TFAP2C: variants seen among roughly 807,000 people sequenced by gnomAD.
The protein encoded by TFAP2C is transcription factor AP-2 gamma.
Under a neutral mutation model 42.9 loss-of-function variants are expected in TFAP2C, and 9 were observed. That is an observed-to-expected ratio of 0.21 (90% CI 0.13 to 0.37). The LOEUF (loss-of-function observed/expected upper bound fraction) is 0.37. Ranked by LOEUF, TFAP2C falls within the 10% of genes least tolerant of loss-of-function variation. The pLI is 1.00. For synonymous variants in TFAP2C, 264 were observed against 256.0 expected (o/e 1.03, Z -0.30); for missense variants, 462 against 591.7 (o/e 0.78, Z 2.27).
Position 56,631,867 on chromosome 20 carries a change from A to T in TFAP2C, c.586+11A>T, listed in dbSNP as rs1295686628. The T allele has an allele frequency of 6.2e-7, 1 of 1,614,080 alleles. No individual in the cohort carries two copies. The highest frequency in any genetic ancestry group is 1.3e-5 in the African/African-American group (1 of 74,938). ...CAGTCATTCGCAAAGGTAAATAGCA[A>T]GGTGGCATCGTCTAACTCTGGTCAC... On this transcript the variant is annotated intron_variant, in intron 3 of 6. Coordinates refer to ENST00000201031, the MANE Select transcript of TFAP2C (RefSeq NM_003222.4). The surrounding 1 kb of genome is among the most constrained non-coding windows in gnomAD (Gnocchi z 6.1).
rs1056467817 is a variant in TFAP2C at position 56,631,802 on chromosome 20, C to A, written c.535-3C>A. ...TAAGGGAATTTTGTCCTCTCTCCCC[C>A]AGAATGTCGACGACCAGCACCTGTT... On this transcript the variant is annotated splice_polypyrimidine_tract_variant and splice_region_variant and intron_variant, in intron 2 of 6. Transcript: ENST00000201031. This position sits in a 1 kb window ranked among gnomAD's most constrained non-coding sequence, Gnocchi z 6.1. The A allele has an allele frequency of 1.2e-6, 2 of 1,614,198 alleles. No individual in the cohort carries two copies. The highest frequency in any genetic ancestry group is 1.7e-6 in the Non-Finnish European group (2 of 1,180,038).
intron 6 of TFAP2C, 136 bp downstream of exon 6, chr20:56,636,890 G>T: frequency 9.2e-7 from 1 of 1,089,520 alleles, no homozygotes; most frequent in Non-Finnish European, 1.3e-6. Context: ...AAAGAAAATG[G>T]CAAGGGAGCT....
In TFAP2C at chr20:56,631,727, C is replaced by A; in HGVS notation, c.534+37C>A. 1.2e-6 allele frequency: 2 copies of A among 1,610,510 alleles called. No homozygotes were observed. The highest frequency in any genetic ancestry group is 1.7e-6 in the Non-Finnish European group (2 of 1,178,876). On this transcript the variant is annotated intron_variant, in intron 2 of 6. Coordinates refer to ENST00000201031, the MANE Select transcript of TFAP2C (RefSeq NM_003222.4). The surrounding 1 kb of genome is among the most constrained non-coding windows in gnomAD (Gnocchi z 6.1). ...TGCGGCTCCTGACCGGACCTGTTCACCCTACGGCCTTCTGCCCCCACCCCG... is the reference window on the plus strand; with the variant it reads ...TGCGGCTCCTGACCGGACCTGTTCAACCTACGGCCTTCTGCCCCCACCCCG...
intron 6 of TFAP2C, 47 bp from the exon 7 acceptor site, chr20:56,637,681 G>A (rs1255229540): frequency 2.9e-5 from 46 of 1,596,500 alleles, no homozygotes; most frequent in Non-Finnish European, 3.9e-5. Context: ...CTCTTGACCT[G>A]TAAGGAGCTA....
In TFAP2C at chr20:56,631,184, TG is replaced by T. The variant is rs1160427846; in HGVS notation, c.49-20del. The T allele has an allele frequency of 5.4e-6, 8 of 1,492,464 alleles. No individual in the cohort carries two copies. The highest frequency in any genetic ancestry group is 1.5e-5 in the African/African-American group (1 of 67,870). The allele number at this position is 1,492,464 out of a possible 1,614,324, so 92.5% of individuals were successfully genotyped here. A position where few individuals can be genotyped will look rare whatever the true frequency, so the allele number is the denominator to read the frequency against. On this transcript the variant is annotated intron_variant, in intron 1 of 6. Coordinates refer to ENST00000201031, the MANE Select transcript of TFAP2C (RefSeq NM_003222.4). This position sits in a 1 kb window ranked among gnomAD's most constrained non-coding sequence, Gnocchi z 6.1. ...GGGGTTTCGCACTAACGGGGTCTCC[TG>T]TTTTTTTTTTTCCCTCCAGGATCGC... is the stretch of plus-strand genomic sequence containing the variant.
rs898322603 is a variant in TFAP2C, at chr20:56,638,103, C to A, written c.*90C>A. 62 of 1,237,186 alleles carry A rather than the reference C, an allele frequency of 5.0e-5. No homozygotes were observed. Among genetic ancestry groups the A allele is most frequent in the Non-Finnish European group, 6.4e-5 (58 of 900,844 alleles). 76.6% of individuals were successfully genotyped at this position (1,237,186 alleles called of 1,614,324 possible). ...GCACAGACTGGGAACCCCTCCTGGC[C>A]TGGGGGAAGAGTTTGTTACCTACCT... On this transcript the variant is annotated 3_prime_UTR_variant, in exon 7 of 7. Coordinates refer to ENST00000201031, the MANE Select transcript of TFAP2C (RefSeq NM_003222.4).
At chr20:56,636,561 T>G (rs1987587812) in intron 5 of TFAP2C, 49 bp from the exon 6 acceptor site, 1 of 1,562,720 alleles carries the variant, frequency 6.4e-7, no homozygotes, top group Admixed American at 2.1e-5. Context: ...AAGGGCAGTT[T>G]GGCCTCAGTG....
rs551986535 is a variant in TFAP2C at position 56,630,677 on chromosome 20, C to G, written c.49-528C>G. On this transcript the variant is annotated intron_variant, in intron 1 of 6. Transcript: ENST00000201031. The surrounding 1 kb of genome is among the most constrained non-coding windows in gnomAD (Gnocchi z 5.1). ...TTCCGAGCGCCGCCCGCTCGGAGGT[C>G]TTTGTCCCGAGGGCGTGGAAGGGAG... 3.0e-6 allele frequency: 3 copies of G among 984,972 alleles called. No homozygotes were observed. Among genetic ancestry groups the G allele is most frequent in the Non-Finnish European group, 3.6e-6 (3 of 829,670 alleles). The allele number at this position is 984,972 out of a possible 1,614,324, so 61.0% of individuals were successfully genotyped here. A position where few individuals can be genotyped will look rare whatever the true frequency, so the allele number is the denominator to read the frequency against.
Position 56,629,625 on chromosome 20 carries a change from C to T in TFAP2C, c.48+33C>T. The T allele has an allele frequency of 7.2e-7, 1 of 1,392,138 alleles. No homozygotes were observed. Among genetic ancestry groups the T allele is most frequent in the East Asian group, 2.8e-5 (1 of 36,224 alleles). 86.2% of individuals were successfully genotyped at this position (1,392,138 alleles called of 1,614,324 possible). Reference sequence around the variant, plus strand: ...GGGGCTCCGGGGTGCAGCCCCGCCCCGCCGAGGACAGTCCGGGAGGCAGGG... The same window carrying T: ...GGGGCTCCGGGGTGCAGCCCCGCCCTGCCGAGGACAGTCCGGGAGGCAGGG... On this transcript the variant is annotated intron_variant, in intron 1 of 6. Coordinates refer to ENST00000201031, the MANE Select transcript of TFAP2C (RefSeq NM_003222.4). The surrounding 1 kb of genome is among the most constrained non-coding windows in gnomAD (Gnocchi z 5.9).
Position 56,638,026 on chromosome 20 carries a change from G to A in TFAP2C, c.*13G>A, listed in dbSNP as rs1720. ...ACACAGGAAATAAAATTGGAACGAA[G>A]AAAGGTTAGGAGAGTAGGGAAGGAA... is the stretch of plus-strand genomic sequence containing the variant. On this transcript the variant is annotated 3_prime_UTR_variant, in exon 7 of 7. Transcript: ENST00000201031. 0.014 allele frequency: 23,284 copies of A among 1,608,626 alleles called. 208 individuals are homozygous for A. The highest frequency in any genetic ancestry group is 0.017 in the Non-Finnish European group (19,607 of 1,176,978).
At chr20:56,633,699 AG>A (rs1462869162) in intron 4 of TFAP2C, 130 bp downstream of exon 4, 7 of 713,420 alleles carry the variant, frequency 9.8e-6, no homozygotes, top group African/African-American at 8.9e-5. Context: ...TTAGAGTTTT[AG>A]TACATTTCTT....
At chr20:56,634,553 G>A (rs74497783) in intron 5 of TFAP2C, among the ~76,000 whole-genome samples, 1 of 152,176 alleles carries the variant, frequency 6.6e-6, no homozygotes, top group Non-Finnish European at 1.5e-5. Context: ...CACTCTAGGG[G>A]TGTCGGCATT....
Position 56,633,414 on chromosome 20 carries a change from C to A in TFAP2C, c.648C>A (p.Ala216=). The change falls in exon 4 of 7, where the codon GCC becomes GCA. Residue 216 remains alanine (A), a synonymous_variant. Coordinates refer to ENST00000201031, the MANE Select transcript of TFAP2C (RefSeq NM_003222.4). ...NLPCQKELVG[A]VMNPTEVFCS... Reference sequence around the variant, plus strand: ...CCTGTCAGAAGGAGCTGGTGGGGGCCGTAATGAACCCCACTGAGGTCTTCT... The same window carrying A: ...CCTGTCAGAAGGAGCTGGTGGGGGCAGTAATGAACCCCACTGAGGTCTTCT... The A allele has an allele frequency of 1.2e-6, 2 of 1,614,064 alleles. No individual in the cohort carries two copies. Among genetic ancestry groups the A allele is most frequent in the Non-Finnish European group, 1.7e-6 (2 of 1,180,010 alleles).
rs186503162 is a variant in TFAP2C at position 56,633,635 on chromosome 20, G to A, written c.803+66G>A. ...GAAGGTGAGTGTATCAGAGGCCCAG[G>A]AGGTATTTTTAACATTTATGTGACT... On this transcript the variant is annotated intron_variant, in intron 4 of 6. Coordinates refer to ENST00000201031, the MANE Select transcript of TFAP2C (RefSeq NM_003222.4). 5,962 of 1,232,222 alleles carry A rather than the reference G, an allele frequency of 4.8e-3. 16 individuals carry two copies. The highest frequency in any genetic ancestry group is 6.5e-3 in the Admixed American group (351 of 53,826). The allele number at this position is 1,232,222 out of a possible 1,614,324, so 76.3% of individuals were successfully genotyped here. A position where few individuals can be genotyped will look rare whatever the true frequency, so the allele number is the denominator to read the frequency against.
intron 6 of TFAP2C, 148 bp downstream of exon 6, chr20:56,636,902 CT>C: frequency 1.0e-6 from 1 of 1,003,666 alleles, no homozygotes; most frequent in Non-Finnish European, 1.4e-6. Flanking sequence ...AAGGGAGCTT[CT>C]TTTACAAAGT....
rs922460934 is a variant in TFAP2C at position 56,630,715 on chromosome 20, G to T, written c.49-490G>T. 59 of 985,224 alleles carry T rather than the reference G, an allele frequency of 6.0e-5. No homozygotes were observed. The highest frequency in any genetic ancestry group is 7.0e-5 in the Non-Finnish European group (58 of 829,896). 61.0% of individuals were successfully genotyped at this position (985,224 alleles called of 1,614,324 possible). ...GCGTGGAAGGGAGGGTCCCGGGGGCGGGGGAGGTGCGCATTTCCCGCGCCG... is the reference window on the plus strand; with the variant it reads ...GCGTGGAAGGGAGGGTCCCGGGGGCTGGGGAGGTGCGCATTTCCCGCGCCG... On this transcript the variant is annotated intron_variant, in intron 1 of 6. Coordinates refer to ENST00000201031, the MANE Select transcript of TFAP2C (RefSeq NM_003222.4). This position sits in a 1 kb window ranked among gnomAD's most constrained non-coding sequence, Gnocchi z 5.1.
intron 5 of TFAP2C, among the ~76,000 whole-genome samples, chr20:56,635,024 C>T (rs1047355918): frequency 8.5e-5 from 13 of 152,214 alleles, no homozygotes; most frequent in Admixed American, 6.5e-5. Flanking sequence ...TTAGGGCTCT[C>T]ACTATGGGCA....
chr20:56,636,983 A>G (rs768865482), intron 6 of TFAP2C, among the ~76,000 whole-genome samples: 12 of 152,242 alleles, frequency 7.9e-5, no homozygotes, highest in Non-Finnish European at 1.5e-4. Flanking sequence ...TGAGCTGCTT[A>G]GTTATTCAAC....
In TFAP2C at chr20:56,630,513, T is replaced by G; in HGVS notation, c.49-692T>G. Reference sequence around the variant, plus strand: ...TTCATGCCCCCTCTGCGCCCCGACGTGCGAGAACACTGCCCTTGGCAGTGC... The same window carrying G: ...TTCATGCCCCCTCTGCGCCCCGACGGGCGAGAACACTGCCCTTGGCAGTGC... On this transcript the variant is annotated intron_variant, in intron 1 of 6. Transcript: ENST00000201031. This position sits in a 1 kb window ranked among gnomAD's most constrained non-coding sequence, Gnocchi z 5.1. The G allele has an allele frequency of 2.9e-6, 1 of 350,700 alleles. No individual in the cohort carries two copies. The highest frequency in any genetic ancestry group is 5.5e-6 in the Non-Finnish European group (1 of 181,560). The allele number at this position is 350,700 out of a possible 1,614,324, so 21.7% of individuals were successfully genotyped here.
Sources: gnomAD v4.1 joint callset for allele counts (sites outside exome capture counted in the v4.1 genomes callset) on GRCh38, gnomAD v4.1.1 for gene constraint, Gnocchi (gnomAD v3.1) non-coding constraint, MANE v1.5 for transcripts, NCBI Gene and HGNC (gene_info 2026-07-23, HGNC 2026-07-21) for gene names.